MN1: variants seen among roughly 807,000 people sequenced by gnomAD.
The protein encoded by MN1 is transcriptional activator MN1.
Under a neutral mutation model 86.9 loss-of-function variants are expected in MN1, and 19 were observed. That is an observed-to-expected ratio of 0.22 (90% CI 0.15 to 0.32). MN1 has a LOEUF of 0.32. Among genes scored for constraint, MN1 ranks in the 10% least tolerant of loss-of-function variants. The pLI is 1.00. For missense variants in MN1, 1,841 were observed against 1,862.0 expected (o/e 0.99, Z 0.21); for synonymous variants, 928 against 849.6 (o/e 1.09, Z -1.60).
chr22:27,797,742 C>A lies in MN1; in HGVS notation c.2802G>T (p.Pro934=). 1.2e-6 allele frequency: 2 copies of A among 1,609,402 alleles called. No individual in the cohort carries two copies. The highest frequency in any genetic ancestry group is 1.1e-5 in the South Asian group (1 of 90,724). ...GTCCCCGGCCGCCGCCCCCGGAGAC[C>A]GGCTTGCCGTCATTCCCCGACGTGG... The part of the protein sequence containing the change: ...LESTSGNDGK[P]VSGGGGRGRG... The change falls in exon 1 of 2, where the codon CCG becomes CCT. Residue 934 remains proline (P), a synonymous_variant. Transcript: ENST00000302326.
chr22:27,800,437 G>C lies in MN1; in HGVS notation c.107C>G (p.Ala36Gly), dbSNP rs763178625. The C allele has an allele frequency of 6.2e-7, 1 of 1,614,232 alleles. No homozygotes were observed. Among genetic ancestry groups the C allele is most frequent in the East Asian group, 2.2e-5 (1 of 44,868 alleles). Residue 36 changes from alanine (A) to glycine (G), a missense_variant, in exon 1 of 2, where the codon GCC becomes GGC. Ala to Gly is a moderately conservative substitution (Grantham distance 60). Transcript: ENST00000302326. ...TGLSMNTHFK[A>G]PAFHTGGPPG... ...GGGCCCCCCAGTGTGGAAAGCCGGG[G>C]CCTTAAAGTGGGTGTTCATGCTCAG...
intron 1 of MN1, among the ~76,000 whole-genome samples, chr22:27,756,588 G>A (rs180874751): frequency 6.7e-4 from 102 of 152,254 alleles, no homozygotes; most frequent in African/African-American, 2.1e-3. Flanking sequence ...TGGGTACTCC[G>A]GGCTAGGTGC....
chr22:27,761,896 G>A (rs1281204438), intron 1 of MN1, among the ~76,000 whole-genome samples: 1 of 152,232 alleles, frequency 6.6e-6, no homozygotes, highest in Non-Finnish European at 1.5e-5. Context: ...CCACAGAGGA[G>A]AGGCTGCAAG....
At chr22:27,762,101 G>C (rs1932838970) in intron 1 of MN1, among the ~76,000 whole-genome samples, 1 of 152,140 alleles carries the variant, frequency 6.6e-6, no homozygotes, top group Admixed American at 6.5e-5. Flanking sequence ...TGTCCTGCCT[G>C]GCACCTCCGG....
At chr22:27,772,359 A>G (rs5762351) in intron 1 of MN1, among the ~76,000 whole-genome samples, 28,313 of 152,214 alleles carry the variant, frequency 0.19, 2,877 homozygotes, top group African/African-American at 0.27. Context: ...TTCTACCTGG[A>G]AGCACTTCGT....
intron 1 of MN1, among the ~76,000 whole-genome samples, chr22:27,753,473 T>C (rs1932782391): frequency 6.6e-6 from 1 of 152,104 alleles, no homozygotes; most frequent in East Asian, 1.9e-4. Flanking sequence ...ACAGTGCTGC[T>C]GGGACTGTCA....
intron 1 of MN1, among the ~76,000 whole-genome samples, chr22:27,772,732 T>A (rs1416655099): frequency 6.6e-6 from 1 of 152,036 alleles, no homozygotes; most frequent in African/African-American, 2.4e-5. Context: ...CAAATGGGAA[T>A]AAGAATAGTA....
At chr22:27,760,021 C>A (rs1278070259) in intron 1 of MN1, among the ~76,000 whole-genome samples, 1 of 152,122 alleles carries the variant, frequency 6.6e-6, no homozygotes, top group African/African-American at 2.4e-5. Context: ...AGTTCAAGAC[C>A]AGCCTGATAC....
At position 27,798,305 on chromosome 22, in the gene MN1, G is replaced by T; in HGVS notation, c.2239C>A (p.Pro747Thr). The change falls in exon 1 of 2, where the codon CCG (proline) becomes ACG (threonine). Residue 747 changes from proline (P) to threonine (T), a missense_variant. Pro to Thr is a conservative substitution (Grantham distance 38). Coordinates refer to ENST00000302326, the MANE Select transcript of MN1 (RefSeq NM_002430.3). ...GACTGCCGGCCGGCTGCACCAAACG[G>T]AAAGCCCGGCTGGCCCCCGAGCGCA... The part of the protein sequence containing the change: ...TSALGGQPGF[P>T]FGAAGRQSTP... The T allele has an allele frequency of 1.3e-6, 2 of 1,523,734 alleles. No homozygotes were observed. The highest frequency in any genetic ancestry group is 1.7e-6 in the Non-Finnish European group (2 of 1,145,294). The allele number at this position is 1,523,734 out of a possible 1,614,324, so 94.4% of individuals were successfully genotyped here.
rs1437388332 is a variant in MN1, at chr22:27,783,673, T to C, written c.3781+13090A>G. On this transcript the variant is annotated intron_variant, in intron 1 of 1. Transcript: ENST00000302326. ...TTTCGTTATCTCAACTGGAAAATGT[T>C]GTAGGGGAGGGGCACAAAAAACAGG... is the stretch of plus-strand genomic sequence containing the variant. Among the ~76,000 whole-genome samples, 9 of 150,102 alleles carry C rather than the reference T, an allele frequency of 6.0e-5. No homozygotes were observed. In the South Asian group the frequency reaches 1.9e-3, roughly 31 times the overall value.
At chr22:27,763,810 A>G (rs1187348561) in intron 1 of MN1, among the ~76,000 whole-genome samples, 1 of 152,190 alleles carries the variant, frequency 6.6e-6, no homozygotes, top group Non-Finnish European at 1.5e-5. Context: ...TCCGGTAAAC[A>G]TGAACCTGCA....
intron 1 of MN1, among the ~76,000 whole-genome samples, chr22:27,768,456 G>A (rs1297510303): frequency 1.9e-4 from 29 of 152,188 alleles, no homozygotes; most frequent in Non-Finnish European, 1.5e-5. Context: ...GAGCTACAGA[G>A]AGTACTGCTT....
At position 27,800,327 on chromosome 22, in the gene MN1, G is replaced by A. The variant is rs946108416; in HGVS notation, c.217C>T (p.Arg73Cys). The change falls in exon 1 of 2, where the codon CGC (arginine) becomes TGC (cysteine). Residue 73 changes from arginine (R) to cysteine (C), a missense_variant. Coordinates refer to ENST00000302326, the MANE Select transcript of MN1 (RefSeq NM_002430.3). ...CCTGCGTGCAACTCCGAGTGGCCGC[G>A]CGCGTGGAAGCCGTAGGGCTCCATG... ...MNMEPYGFHA[R>C]GHSELHAGGL... 2.5e-6 allele frequency: 4 copies of A among 1,583,258 alleles called. No individual in the cohort carries two copies. The South Asian group carries it at 3.5e-5, about 14-fold the overall frequency.
At chr22:27,753,177 T>C (rs1019437193) in intron 1 of MN1, among the ~76,000 whole-genome samples, 4 of 152,206 alleles carry the variant, frequency 2.6e-5, no homozygotes, top group Non-Finnish European at 5.9e-5. Context: ...CTAACATGCC[T>C]TTATTGAGGA....
chr22:27,797,247 G>A lies in MN1; in HGVS notation c.3297C>T (p.Pro1099=), dbSNP rs931833675. 27 of 1,574,838 alleles carry A rather than the reference G, an allele frequency of 1.7e-5. No homozygotes were observed. The Middle Eastern group carries it at 5.0e-4, about 29-fold the overall frequency. The change falls in exon 1 of 2, where the codon CCC becomes CCT. Residue 1099 remains proline, a synonymous_variant. Transcript: ENST00000302326. ...VGAGEHGPKA[P]PPALGLGIMS... is the part of the protein sequence containing the mutation. ...TGATGCCCAGGCCGAGGGCGGGCGG[G>A]GGCGCCTTCGGTCCGTGTTCCCCGG... is the stretch of plus-strand genomic sequence containing the variant.
At chr22:27,765,103 C>A (rs1179614487) in intron 1 of MN1, among the ~76,000 whole-genome samples, 1 of 152,224 alleles carries the variant, frequency 6.6e-6, no homozygotes, top group African/African-American at 2.4e-5. Flanking sequence ...ATATAACCCA[C>A]AAACCTAAAA....
rs1299141272 is a variant in MN1 at position 27,799,783 on chromosome 22, C to T, written c.761G>A (p.Gly254Glu). 1.3e-6 allele frequency: 2 copies of T among 1,593,554 alleles called. No homozygotes were observed. Among genetic ancestry groups the T allele is most frequent in the Middle Eastern group, 1.7e-4 (1 of 5,952 alleles). ...FDMFSPSDSE[G>E]QLPHYAAGRQ... The stretch of plus-strand genomic sequence containing the variant: ...ACCCGCTGCATAATGAGGCAGCTGC[C>T]CTTCGGAGTCAGAGGGCGAAAACAT... Residue 254 changes from glycine to glutamate, a missense_variant, in exon 1 of 2, where the codon GGG (glycine) becomes GAG (glutamate). By Grantham distance (98) the Gly-to-Glu change is moderately conservative. Coordinates refer to ENST00000302326, the MANE Select transcript of MN1 (RefSeq NM_002430.3).
At chr22:27,795,907 G>T (rs45571543) in intron 1 of MN1, among the ~76,000 whole-genome samples, 11,859 of 151,924 alleles carry the variant, frequency 0.078, 556 homozygotes, top group Middle Eastern at 0.17. Flanking sequence ...TGGTGGGGAG[G>T]GGGTGCTTAG....
intron 1 of MN1, among the ~76,000 whole-genome samples, chr22:27,766,297 G>C (rs936397818): frequency 5.3e-5 from 8 of 152,200 alleles, no homozygotes; most frequent in African/African-American, 1.7e-4. Flanking sequence ...GGGGGTTGGA[G>C]AGAGGATTGA....
Sources: allele counts gnomAD v4.1 joint callset (sites outside exome capture counted in the v4.1 genomes callset), GRCh38; gene constraint gnomAD v4.1.1; transcripts MANE v1.5; gene names NCBI Gene and HGNC (gene_info 2026-07-23, HGNC 2026-07-21).